MAGEE2: variants seen among roughly 807,000 people sequenced by gnomAD.
The protein encoded by MAGEE2 is melanoma-associated antigen E2.
For synonymous variants in MAGEE2, 189 were observed against 155.4 expected, an observed-to-expected ratio of 1.22 and a Z score of -1.61; for missense variants, 508 against 391.1, an observed-to-expected ratio of 1.30 and a Z score of -2.52.
Position 75,783,849 on chromosome X carries a change from T to G in MAGEE2, c.1203A>C (p.Gln401His). 5 of 1,212,055 alleles carry G rather than the reference T, an allele frequency of 4.1e-6. No individual in the cohort carries two copies. The highest frequency in any genetic ancestry group is 5.6e-6 in the Non-Finnish European group (5 of 895,610). The change falls in exon 1 of 1, where the codon CAA (glutamine) becomes CAC (histidine). Residue 401 changes from glutamine (Q) to histidine (H), a missense_variant. Physicochemically the swap from Gln to His is conservative, Grantham distance 24 (BLOSUM62 0). Transcript: ENST00000373359. Reference sequence around the variant, plus strand: ...AACCTAGGATTGGCATTACATATTCTTGAGTGGGTCTCCCCAGGCTCTCTA... The same window carrying G: ...AACCTAGGATTGGCATTACATATTCGTGAGTGGGTCTCCCCAGGCTCTCTA... ...VMLESLGRPT[Q>H]EYVMPILGLI...
In MAGEE2 at chrX:75,784,534, T is replaced by C; in HGVS notation, c.518A>G (p.Asp173Gly). Residue 173 changes from aspartate (D) to glycine (G), a missense_variant, in exon 1 of 1, where the codon GAC becomes GGC. Coordinates refer to ENST00000373359, the MANE Select transcript of MAGEE2 (RefSeq NM_138703.5). Reference protein sequence around the residue: ...QITDRIAESLDMPKASLLALV... With the variant: ...QITDRIAESLGMPKASLLALV... ...GGCCAGGAGACTTGCTTTTGGCATG[T>C]CCAGGGACTCCGCTATCCTATCGGT... is the stretch of plus-strand genomic sequence containing the variant. 8.3e-7 allele frequency: 1 copy of C among 1,211,242 alleles called. No homozygotes were observed. The highest frequency in any genetic ancestry group is 1.1e-6 in the Non-Finnish European group (1 of 895,361).
In MAGEE2 at chrX:75,783,016, C is replaced by T. The variant is rs2087857826; in HGVS notation, c.*464G>A. ...ATTCATTATGCTTTTATTGCAAATA[C>T]AGGTAAATGACAGTTTTGTGTATAT... On this transcript the variant is annotated 3_prime_UTR_variant, in exon 1 of 1. Transcript: ENST00000373359. 8.5e-6 allele frequency: 1 copy of T among 117,246 alleles called. No individual in the cohort carries two copies. The highest frequency in any genetic ancestry group is 3.2e-5 in the African/African-American group (1 of 30,773). 9.7% of individuals were successfully genotyped at this position (117,246 alleles called of 1,213,427 possible).
rs200076504 is a variant in MAGEE2, at chrX:75,784,545, C to T, written c.507G>A (p.Ala169=). 7.4e-6 allele frequency: 9 copies of T among 1,211,055 alleles called. No individual in the cohort carries two copies. The highest frequency in any genetic ancestry group is 3.4e-6 in the Non-Finnish European group (3 of 895,302). The change falls in exon 1 of 1, where the codon GCG becomes GCA. Residue 169 remains alanine, a synonymous_variant. Coordinates refer to ENST00000373359, the MANE Select transcript of MAGEE2 (RefSeq NM_138703.5). ...KRGFQITDRI[A]ESLDMPKASL... is the part of the protein sequence containing the mutation. ...TTGCTTTTGGCATGTCCAGGGACTC[C>T]GCTATCCTATCGGTGATCTGGAAAC...
In MAGEE2 at chrX:75,785,130, C is replaced by T. The variant is rs777702164; in HGVS notation, c.-79G>A. On this transcript the variant is annotated 5_prime_UTR_variant, in exon 1 of 1. Coordinates refer to ENST00000373359, the MANE Select transcript of MAGEE2 (RefSeq NM_138703.5). Reference sequence around the variant, plus strand: ...GACCGCAGCAGTGTTGGTGCCTCGGCACAAAGCTGAAGCCCGAGACCCTGG... The same window carrying T: ...GACCGCAGCAGTGTTGGTGCCTCGGTACAAAGCTGAAGCCCGAGACCCTGG... The T allele has an allele frequency of 4.6e-5, 47 of 1,015,868 alleles. No homozygotes were observed. In the African/African-American group the frequency reaches 7.2e-4, roughly 16 times the overall value. 83.7% of individuals were successfully genotyped at this position (1,015,868 alleles called of 1,213,427 possible).
chrX:75,785,023 T>A lies in MAGEE2; in HGVS notation c.29A>T (p.His10Leu). Residue 10 changes from histidine to leucine, a missense_variant, in exon 1 of 1, where the codon CAC becomes CTC. His to Leu is a moderately conservative substitution (Grantham distance 99). Coordinates refer to ENST00000373359, the MANE Select transcript of MAGEE2 (RefSeq NM_138703.5). The stretch of plus-strand genomic sequence containing the variant: ...ATCTGCAGTGATCTCTGCGCTACAG[T>A]GGCGTGCATTCTGGCTTACCAGAGA... MSLVSQNAR[H>L]CSAEITADYG... is the part of the protein sequence containing the mutation. 2.7e-6 allele frequency: 3 copies of A among 1,128,174 alleles called. No individual in the cohort carries two copies. 93.0% of individuals were successfully genotyped at this position (1,128,174 alleles called of 1,213,427 possible). A position where few individuals can be genotyped will look rare whatever the true frequency, so the allele number is the denominator to read the frequency against.
At position 75,783,809 on chromosome X, in the gene MAGEE2, C is replaced by A. The variant is rs143850427; in HGVS notation, c.1243G>T (p.Gly415Cys). 17 of 1,209,880 alleles carry A rather than the reference C, an allele frequency of 1.4e-5. 1 individual carries two copies. In the African/African-American group the frequency reaches 2.8e-4, roughly 20 times the overall value. The change falls in exon 1 of 1, where the codon GGC becomes TGC. Residue 415 changes from glycine (G) to cysteine (C), a missense_variant. Coordinates refer to ENST00000373359, the MANE Select transcript of MAGEE2 (RefSeq NM_138703.5). The part of the protein sequence containing the change: ...MPILGLIFLM[G>C]NRVKEANVWN... ...ACATTGGCCTCTTTGACACGGTTGC[C>A]CATCAGGAAGATCAAACCTAGGATT...
chrX:75,785,076 C>G lies in MAGEE2; in HGVS notation c.-25G>C. On this transcript the variant is annotated 5_prime_UTR_variant, in exon 1 of 1. Coordinates refer to ENST00000373359, the MANE Select transcript of MAGEE2 (RefSeq NM_138703.5). Reference sequence around the variant, plus strand: ...TGGTTCCAGGAGACAGGAGCGGGAACGGTGAGATCAGCGATCAGTCGGAGA... The same window carrying G: ...TGGTTCCAGGAGACAGGAGCGGGAAGGGTGAGATCAGCGATCAGTCGGAGA... The G allele has an allele frequency of 9.0e-7, 1 of 1,116,670 alleles. No individual in the cohort carries two copies. Among genetic ancestry groups the G allele is most frequent in the Non-Finnish European group, 1.2e-6 (1 of 849,284 alleles). 92.0% of individuals were successfully genotyped at this position (1,116,670 alleles called of 1,213,427 possible).
Position 75,784,563 on chromosome X carries a change from C to T in MAGEE2, c.489G>A (p.Gln163=), listed in dbSNP as rs1332536222. The T allele has an allele frequency of 2.5e-6, 3 of 1,208,728 alleles. No individual in the cohort carries two copies. Among genetic ancestry groups the T allele is most frequent in the Non-Finnish European group, 3.4e-6 (3 of 894,746 alleles). ...GGGACTCCGCTATCCTATCGGTGAT[C>T]TGGAAACCCCGTTTGCTGACTAAAT... ...TYNLVSKRGF[Q]ITDRIAESLD... The change falls in exon 1 of 1, where the codon CAG becomes CAA. Residue 163 remains glutamine, a synonymous_variant. Transcript: ENST00000373359.
rs757100041 is a variant in MAGEE2 at position 75,783,580 on chromosome X, C to T, written c.1472G>A (p.Arg491Gln). The change falls in exon 1 of 1, where the codon CGA becomes CAA. Residue 491 changes from arginine to glutamine, a missense_variant. Physicochemically the swap from Arg to Gln is conservative, Grantham distance 43. Transcript: ENST00000373359. ...LEYMARLYRK[R>Q]PQNWPEQYRE... is the part of the protein sequence containing the mutation. ...ATATTGTTCTGGCCAGTTCTGTGGT[C>T]GCTTTCTGTAGAGCCTGGCCATGTA... The T allele has an allele frequency of 3.3e-6, 4 of 1,211,626 alleles. No homozygotes were observed. Among genetic ancestry groups the T allele is most frequent in the South Asian group, 1.8e-5 (1 of 56,962 alleles).
rs1166572893 is a variant in MAGEE2 at position 75,785,053 on chromosome X, G to T, written c.-2C>A. 2.3e-5 allele frequency: 26 copies of T among 1,119,788 alleles called. No homozygotes were observed. The highest frequency in any genetic ancestry group is 2.9e-5 in the Non-Finnish European group (25 of 851,620). The allele number at this position is 1,119,788 out of a possible 1,213,427, so 92.3% of individuals were successfully genotyped here. A position where few individuals can be genotyped will look rare whatever the true frequency, so the allele number is the denominator to read the frequency against. On this transcript the variant is annotated 5_prime_UTR_variant, in exon 1 of 1. Transcript: ENST00000373359. ...TGCATTCTGGCTTACCAGAGACATGGTTCCAGGAGACAGGAGCGGGAACGG... is the reference window on the plus strand; with the variant it reads ...TGCATTCTGGCTTACCAGAGACATGTTTCCAGGAGACAGGAGCGGGAACGG...
In MAGEE2 at chrX:75,783,531, C is replaced by G; in HGVS notation, c.1521G>C (p.Glu507Asp). The change falls in exon 1 of 1, where the codon GAG becomes GAC. Residue 507 changes from glutamate to aspartate, a missense_variant. Transcript: ENST00000373359. ...EQYREAVEDEEARAKSEATIM... is the reference protein window; with the variant it reads ...EQYREAVEDEDARAKSEATIM... ...TAGTTGCCTCAGATTTGGCTCTGGC[C>G]TCCTCATCTTCCACAGCCTCCCTAT... The G allele has an allele frequency of 8.3e-7, 1 of 1,208,407 alleles. No individual in the cohort carries two copies. The highest frequency in any genetic ancestry group is 2.2e-5 in the Admixed American group (1 of 45,606).
In MAGEE2 at chrX:75,784,758, G is replaced by T. The variant is rs370056993; in HGVS notation, c.294C>A (p.Phe98Leu). The change falls in exon 1 of 1, where the codon TTC becomes TTA. Residue 98 changes from phenylalanine (F) to leucine (L), a missense_variant. By Grantham distance (22) the Phe-to-Leu change is conservative. Coordinates refer to ENST00000373359, the MANE Select transcript of MAGEE2 (RefSeq NM_138703.5). ...LEDRSIALVN[F>L]MRMKSQTEGS... is the part of the protein sequence containing the mutation. Reference sequence around the variant, plus strand: ...CCTCCGTCTGGCTTTTCATTCTCATGAAATTCACCAAAGCAATCGACCTGT... The same window carrying T: ...CCTCCGTCTGGCTTTTCATTCTCATTAAATTCACCAAAGCAATCGACCTGT... 3 of 1,209,574 alleles carry T rather than the reference G, an allele frequency of 2.5e-6. No homozygotes were observed. The highest frequency in any genetic ancestry group is 3.5e-5 in the African/African-American group (2 of 57,054).
chrX:75,783,780 C>T lies in MAGEE2; in HGVS notation c.1272G>A (p.Trp424Ter), dbSNP rs2087864649. ...MGNRVKEANV[W>*]NLLRRFSVDV... is the part of the protein sequence containing the mutation. ...CCACACTAAATCTTCGAAGCAAGTT[C>T]CAGACATTGGCCTCTTTGACACGGT... Residue 424 changes from tryptophan to a stop codon, truncating the protein, a stop_gained, in exon 1 of 1, where the codon TGG (tryptophan) becomes TGA (stop). Transcript: ENST00000373359. LOFTEE classifies it low-confidence loss of function (END_TRUNC). The T allele has an allele frequency of 8.3e-7, 1 of 1,210,090 alleles. No individual in the cohort carries two copies. The highest frequency in any genetic ancestry group is 1.1e-6 in the Non-Finnish European group (1 of 895,246).
chrX:75,784,127 C>A lies in MAGEE2; in HGVS notation c.925G>T (p.Asp309Tyr). ...LTAGLEFWSE[D>Y]TMNDKANDLV... Reference sequence around the variant, plus strand: ...TCATTTGCCTTATCATTCATAGTGTCCTCCGACCAGAACTCTAAGCCAGCA... The same window carrying A: ...TCATTTGCCTTATCATTCATAGTGTACTCCGACCAGAACTCTAAGCCAGCA... The change falls in exon 1 of 1, where the codon GAC becomes TAC. Residue 309 changes from aspartate to tyrosine, a missense_variant. By Grantham distance (160) the Asp-to-Tyr change is radical (BLOSUM62 -3). Transcript: ENST00000373359. 2 of 1,211,683 alleles carry A rather than the reference C, an allele frequency of 1.7e-6. No homozygotes were observed. Among genetic ancestry groups the A allele is most frequent in the Middle Eastern group, 2.3e-4 (1 of 4,355 alleles).
chrX:75,784,836 G>T lies in MAGEE2; in HGVS notation c.216C>A (p.Ile72=), dbSNP rs144743373. ...CCCCCAAACGTCTGGACTGCTCGTC[G>T]ATCAGGACCTCCAGGTCATTCGGGT... ...VQDPNDLEVL[I]DEQSRRLGAL... is the part of the protein sequence containing the mutation. Residue 72 remains isoleucine, a synonymous_variant, in exon 1 of 1, where the codon ATC becomes ATA. Coordinates refer to ENST00000373359, the MANE Select transcript of MAGEE2 (RefSeq NM_138703.5). 8.3e-6 allele frequency: 10 copies of T among 1,209,110 alleles called. No homozygotes were observed. The highest frequency in any genetic ancestry group is 1.8e-5 in the African/African-American group (1 of 57,079).
In MAGEE2 at chrX:75,783,756, C is replaced by G. The variant is rs1157357722; in HGVS notation, c.1296G>C (p.Val432=). The G allele has an allele frequency of 1.7e-6, 2 of 1,210,021 alleles. No homozygotes were observed. Among genetic ancestry groups the G allele is most frequent in the African/African-American group, 3.5e-5 (2 of 57,109 alleles). Residue 432 remains valine (V), a synonymous_variant, in exon 1 of 1, where the codon GTG becomes GTC. Coordinates refer to ENST00000373359, the MANE Select transcript of MAGEE2 (RefSeq NM_138703.5). ...NVWNLLRRFS[V]DVGRKHSITR... ...TGATGGAATGCTTTCTCCCTACATC[C>G]ACACTAAATCTTCGAAGCAAGTTCC...
chrX:75,784,810 G>A lies in MAGEE2; in HGVS notation c.242C>T (p.Ala81Val), dbSNP rs2087877534. The part of the protein sequence containing the change: ...LIDEQSRRLG[A>V]LRVHDPLEDR... ...TTCTAGAGGGTCATGGACCCTGAGC[G>A]CCCCCAAACGTCTGGACTGCTCGTC... The change falls in exon 1 of 1, where the codon GCG becomes GTG. Residue 81 changes from alanine (A) to valine (V), a missense_variant. Physicochemically the swap from Ala to Val is moderately conservative, Grantham distance 64. Transcript: ENST00000373359. The A allele has an allele frequency of 8.3e-7, 1 of 1,211,417 alleles. No homozygotes were observed.
chrX:75,784,557 G>C lies in MAGEE2; in HGVS notation c.495C>G (p.Thr165=), dbSNP rs747257725. ...NLVSKRGFQI[T]DRIAESLDMP... ...TGTCCAGGGACTCCGCTATCCTATC[G>C]GTGATCTGGAAACCCCGTTTGCTGA... The change falls in exon 1 of 1, where the codon ACC becomes ACG. Residue 165 remains threonine (T), a synonymous_variant. Coordinates refer to ENST00000373359, the MANE Select transcript of MAGEE2 (RefSeq NM_138703.5). The C allele has an allele frequency of 2.4e-5, 29 of 1,208,828 alleles. No individual in the cohort carries two copies. The highest frequency in any genetic ancestry group is 3.1e-5 in the Non-Finnish European group (28 of 894,803).
Position 75,783,253 on chromosome X carries a change from C to T in MAGEE2, c.*227G>A, listed in dbSNP as rs111567748. On this transcript the variant is annotated 3_prime_UTR_variant, in exon 1 of 1. Coordinates refer to ENST00000373359, the MANE Select transcript of MAGEE2 (RefSeq NM_138703.5). ...CTGAACTTTTATGCTGAAACAAGAC[C>T]GGGATGGCAAATGAAAAATTCCATT... The T allele has an allele frequency of 1.3e-4, 46 of 363,624 alleles. No individual in the cohort carries two copies. The highest frequency in any genetic ancestry group is 8.7e-4 in the African/African-American group (34 of 39,214). The allele number at this position is 363,624 out of a possible 1,213,427, so 30.0% of individuals were successfully genotyped here.
Sources: gnomAD v4.1 joint callset for allele counts on GRCh38, gnomAD v4.1.1 for gene constraint, MANE v1.5 for transcripts, NCBI Gene and HGNC (gene_info 2026-07-23, HGNC 2026-07-21) for gene names.